SORCS3: variants seen among roughly 807,000 people sequenced by gnomAD.
The protein encoded by SORCS3 is sortilin related VPS10 domain containing receptor 3.
SORCS3 carries 57 observed loss-of-function variants against 146.3 expected under a neutral mutation model. The observed-to-expected ratio is 0.39, with a 90% CI of 0.31 to 0.49. SORCS3 has a LOEUF of 0.49. Among genes scored for constraint, SORCS3 ranks in the 20% least tolerant of loss-of-function variants. SORCS3 has a pLI of 0.92. For synonymous variants in SORCS3, 653 were observed against 618.5 expected, an observed-to-expected ratio of 1.06 and a Z score of -0.83; for missense variants, 1,341 against 1,575.5, an observed-to-expected ratio of 0.85 and a Z score of 2.52.
intron 1 of SORCS3, among the ~76,000 whole-genome samples, chr10:104,677,551 C>G (rs780233567): frequency 1.6e-4 from 25 of 152,142 alleles, no homozygotes; most frequent in Non-Finnish European, 3.1e-4. Flanking sequence ...TGGCAGAAAA[C>G]GTTGCTGAAG....
At chr10:105,153,993 C>T (rs2056187200) in intron 9 of SORCS3, among the ~76,000 whole-genome samples, 1 of 143,990 alleles carries the variant, frequency 6.9e-6, no homozygotes, top group African/African-American at 2.5e-5. Context: ...TTGCCTGAAC[C>T]CAGGAGGCAG....
chr10:105,225,247 A>T (rs1253488171), intron 20 of SORCS3, among the ~76,000 whole-genome samples: 2 of 151,946 alleles, frequency 1.3e-5, no homozygotes, highest in Non-Finnish European at 2.9e-5. Context: ...CCATTTTGAG[A>T]TCATTTTTTA....
chr10:105,034,199 C>G (rs79919312), intron 4 of SORCS3, among the ~76,000 whole-genome samples: 1 of 151,984 alleles, frequency 6.6e-6, no homozygotes, highest in African/African-American at 2.4e-5. Flanking sequence ...GGGAAGTGAC[C>G]AAAGAGGACT....
In SORCS3 at chr10:105,147,724, C is replaced by T; in HGVS notation, c.1410C>T (p.Tyr470=). Reference sequence around the variant, plus strand: ...ACATCTCAGACACGCGTGGGATTTACTTCACTCTGGCCATGGAGAACATCA... The same window carrying T: ...ACATCTCAGACACGCGTGGGATTTATTTCACTCTGGCCATGGAGAACATCA... The part of the protein sequence containing the change: ...NLYISDTRGI[Y]FTLAMENIKS... The change falls in exon 9 of 27, where the codon TAC becomes TAT. Residue 470 remains tyrosine (Y), a synonymous_variant. Coordinates refer to ENST00000369701, the MANE Select transcript of SORCS3 (RefSeq NM_014978.3). The T allele has an allele frequency of 6.2e-7, 1 of 1,613,164 alleles. No individual in the cohort carries two copies. Among genetic ancestry groups the T allele is most frequent in the Admixed American group, 1.7e-5 (1 of 59,946 alleles).
intron 2 of SORCS3, among the ~76,000 whole-genome samples, chr10:104,857,778 A>G (rs2018351444): frequency 6.6e-6 from 1 of 152,182 alleles, no homozygotes; most frequent in Non-Finnish European, 1.5e-5. Context: ...ACCCAGAGAA[A>G]GTTCAGACAT....
intron 1 of SORCS3, among the ~76,000 whole-genome samples, chr10:104,744,622 GTC>G (rs2016886453): frequency 6.6e-6 from 1 of 152,100 alleles, no homozygotes; most frequent in Non-Finnish European, 1.5e-5. Context: ...TTGAAATTAG[GTC>G]TGTCTGTTTC....
chr10:104,853,104 C>T (rs2133554616), intron 2 of SORCS3, among the ~76,000 whole-genome samples: 1 of 152,318 alleles, frequency 6.6e-6, no homozygotes, highest in Admixed American at 6.5e-5. Context: ...TCCAGACCAG[C>T]CTGACCAACA....
intron 1 of SORCS3, among the ~76,000 whole-genome samples, chr10:104,679,152 T>C (rs1211210134): frequency 6.6e-6 from 1 of 152,050 alleles, no homozygotes; most frequent in Non-Finnish European, 1.5e-5. Context: ...GTTGGCAGAG[T>C]CCTGGGATCT....
chr10:105,213,133 T>A (rs920695718), intron 17 of SORCS3, among the ~76,000 whole-genome samples: 1 of 152,192 alleles, frequency 6.6e-6, no homozygotes, highest in Non-Finnish European at 1.5e-5. Flanking sequence ...TTAACCAGAA[T>A]AACTTTAGAC....
intron 3 of SORCS3, among the ~76,000 whole-genome samples, chr10:104,927,299 C>T (rs2019158320): frequency 6.6e-6 from 1 of 152,156 alleles, no homozygotes; most frequent in Non-Finnish European, 1.5e-5. Context: ...CATTTCACTG[C>T]CTGGCTCATT....
intron 1 of SORCS3, among the ~76,000 whole-genome samples, chr10:104,770,645 C>T (rs1037665114): frequency 6.6e-6 from 1 of 151,862 alleles, no homozygotes; most frequent in African/African-American, 2.4e-5. Context: ...CATAGCAAAA[C>T]CCCATCTCTA....
chr10:104,896,148 A>C (rs2018795555), intron 2 of SORCS3, among the ~76,000 whole-genome samples: 2 of 152,128 alleles, frequency 1.3e-5, no homozygotes, highest in African/African-American at 4.8e-5. Context: ...CTCTAAGGCA[A>C]TGTGATAATA....
chr10:104,962,460 G>A (rs2054801552), intron 3 of SORCS3, among the ~76,000 whole-genome samples: 1 of 152,140 alleles, frequency 6.6e-6, no homozygotes, highest in Non-Finnish European at 1.5e-5. Context: ...AGTGTATGGT[G>A]TGTGGGATAG....
At chr10:104,803,760 C>A (rs1485415238) in intron 1 of SORCS3, among the ~76,000 whole-genome samples, 1 of 152,092 alleles carries the variant, frequency 6.6e-6, no homozygotes, top group Non-Finnish European at 1.5e-5. Context: ...AGGTGAGTGA[C>A]CCCATTTTTT....
At chr10:105,167,188 T>C in intron 12 of SORCS3, 70 bp from the exon 13 acceptor site, 1 of 1,223,090 alleles carries the variant, frequency 8.2e-7, no homozygotes, top group South Asian at 1.3e-5. Flanking sequence ...TGTGAAAGAC[T>C]GTAAACTGTT....
chr10:104,815,862 A>T (rs1042412291), intron 1 of SORCS3, among the ~76,000 whole-genome samples: 4 of 152,222 alleles, frequency 2.6e-5, no homozygotes, highest in African/African-American at 7.2e-5. Flanking sequence ...ACTTCTGTAT[A>T]TTCATACGTT....
At chr10:104,784,279 G>T (rs1414855247) in intron 1 of SORCS3, among the ~76,000 whole-genome samples, 1 of 152,134 alleles carries the variant, frequency 6.6e-6, no homozygotes, top group Non-Finnish European at 1.5e-5. Flanking sequence ...TTGGTGGTGG[G>T]GTGGGAGGGT....
chr10:105,121,952 G>A (rs1160811053), intron 7 of SORCS3, among the ~76,000 whole-genome samples: 3 of 152,078 alleles, frequency 2.0e-5, no homozygotes, highest in Non-Finnish European at 4.4e-5. Context: ...CTGCCTTTGG[G>A]TTCCATTCCA....
chr10:104,644,772 T>G (rs1370451401), intron 1 of SORCS3, among the ~76,000 whole-genome samples: 1 of 152,246 alleles, frequency 6.6e-6, no homozygotes, highest in Non-Finnish European at 1.5e-5. Context: ...AATGAGGGTT[T>G]CCTTGCTCTT....
Sources: allele counts gnomAD v4.1 joint callset (sites outside exome capture counted in the v4.1 genomes callset), GRCh38; gene constraint gnomAD v4.1.1; transcripts MANE v1.5; gene names NCBI Gene and HGNC (gene_info 2026-07-23, HGNC 2026-07-21).